TSPAN9: variants seen among roughly 807,000 people sequenced by gnomAD.
TSPAN9 encodes the protein tetraspanin-9.
A neutral mutation model predicts 31.0 loss-of-function variants in TSPAN9; 16 were observed. The observed-to-expected ratio is 0.52, with a 90% CI of 0.35 to 0.78. The LOEUF (loss-of-function observed/expected upper bound fraction) is 0.78. Ranked by LOEUF, TSPAN9 falls within the 30% of genes least tolerant of loss-of-function variation. TSPAN9 has a pLI of 0.01. For missense variants in TSPAN9, 272 were observed against 312.5 expected, an observed-to-expected ratio of 0.87 and a Z score of 0.98; for synonymous variants, 145 against 121.6, an observed-to-expected ratio of 1.19 and a Z score of -1.27.
intron 2 of TSPAN9, among the ~76,000 whole-genome samples, chr12:3,101,477 ACTC>A (rs2098311821): frequency 6.6e-6 from 1 of 151,834 alleles, no homozygotes; most frequent in Admixed American, 6.6e-5. Flanking sequence ...TTTGGATCTT[ACTC>A]CTCCTCTGAG....
chr12:3,260,946 C>T (rs912989324), intron 3 of TSPAN9, among the ~76,000 whole-genome samples: 5 of 152,274 alleles, frequency 3.3e-5, no homozygotes, highest in East Asian at 1.9e-4. Context: ...CTTGAAGGAA[C>T]GCCATGATCA....
rs957001415 is a variant in TSPAN9 at position 3,187,037 on chromosome 12, C to T, written c.-17-14140C>T. Among the ~76,000 whole-genome samples, 2 of 152,214 alleles carry T rather than the reference C, an allele frequency of 1.3e-5. No homozygotes were observed. The highest frequency in any genetic ancestry group is 4.8e-5 in the African/African-American group (2 of 41,442). On this transcript the variant is annotated intron_variant, in intron 2 of 8. Coordinates refer to ENST00000011898, the MANE Select transcript of TSPAN9 (RefSeq NM_006675.5). This position sits in a 1 kb window ranked among gnomAD's most constrained non-coding sequence, Gnocchi z 5.2. Reference sequence around the variant, plus strand: ...ACTTACACCATGGCATTGGCAAGCGCTCTGAATCGGGGCTTTTCCCCTGTA... The same window carrying T: ...ACTTACACCATGGCATTGGCAAGCGTTCTGAATCGGGGCTTTTCCCCTGTA...
intron 2 of TSPAN9, among the ~76,000 whole-genome samples, chr12:3,193,516 C>T (rs529434689): frequency 6.6e-6 from 1 of 152,340 alleles, no homozygotes; most frequent in South Asian, 2.1e-4. Context: ...GTAGACTGTA[C>T]ACACAGCCAA....
At chr12:3,225,003 T>C (rs2098386436) in intron 3 of TSPAN9, among the ~76,000 whole-genome samples, 2 of 152,230 alleles carry the variant, frequency 1.3e-5, no homozygotes, top group South Asian at 4.1e-4. Flanking sequence ...CTCCACTGTG[T>C]GTGCAGCTGG....
At position 3,107,080 on chromosome 12, in the gene TSPAN9, CA is replaced by C. The variant is rs1376607427; in HGVS notation, c.-18+23362del. ...CAGGCCCCTGACTTTGTTTCTATTTCAGAAACCTTGCCGCCACCACCACCAC... is the reference window on the plus strand; with the variant it reads ...CAGGCCCCTGACTTTGTTTCTATTTCGAAACCTTGCCGCCACCACCACCAC... On this transcript the variant is annotated intron_variant, in intron 2 of 8. Coordinates refer to ENST00000011898, the MANE Select transcript of TSPAN9 (RefSeq NM_006675.5). This position sits in a 1 kb window ranked among gnomAD's most constrained non-coding sequence, Gnocchi z 4.1. 6.6e-6 allele frequency among the ~76,000 whole-genome samples: 1 copy of C among 152,154 alleles called. No individual in the cohort carries two copies. Among genetic ancestry groups the C allele is most frequent in the Non-Finnish European group, 1.5e-5 (1 of 68,032 alleles).
chr12:3,166,195 T>C (rs547275082), intron 2 of TSPAN9, among the ~76,000 whole-genome samples: 10 of 152,358 alleles, frequency 6.6e-5, no homozygotes, highest in Admixed American at 5.9e-4. Flanking sequence ...TATTAAGTAA[T>C]GTAAGCCTAA....
At chr12:3,105,822 GCA>G (rs1258672097) in intron 2 of TSPAN9, among the ~76,000 whole-genome samples, 15 of 122,014 alleles carry the variant, frequency 1.2e-4, no homozygotes, top group East Asian at 1.1e-3. Context: ...ACGCACACGC[GCA>G]CACACACTTT....
chr12:3,257,255 G>A (rs966601612), intron 3 of TSPAN9, among the ~76,000 whole-genome samples: 1 of 151,958 alleles, frequency 6.6e-6, no homozygotes, highest in Non-Finnish European at 1.5e-5. Flanking sequence ...TAGGGGTCTC[G>A]GAGGAAGCAT....
At chr12:3,096,417 C>G (rs1216720709) in intron 2 of TSPAN9, among the ~76,000 whole-genome samples, 1 of 152,188 alleles carries the variant, frequency 6.6e-6, no homozygotes, top group African/African-American at 2.4e-5. Flanking sequence ...TCCTAAGTAT[C>G]TCTTGTGCAT....
At chr12:3,264,843 G>A (rs1355127668) in intron 3 of TSPAN9, among the ~76,000 whole-genome samples, 2 of 152,200 alleles carry the variant, frequency 1.3e-5, no homozygotes, top group Admixed American at 6.5e-5. Flanking sequence ...TAAAACATGA[G>A]CACCAGAGAA....
chr12:3,095,634 C>CG (rs965739006), intron 2 of TSPAN9, among the ~76,000 whole-genome samples: 2 of 125,002 alleles, frequency 1.6e-5, no homozygotes, highest in African/African-American at 6.0e-5. Flanking sequence ...GAGGGCTGAC[C>CG]CCCCCCACCT....
intron 3 of TSPAN9, among the ~76,000 whole-genome samples, chr12:3,222,774 G>T (rs1390672246): frequency 6.6e-6 from 1 of 152,148 alleles, no homozygotes; most frequent in Non-Finnish European, 1.5e-5. Flanking sequence ...GGCTTCTTCA[G>T]GTCCTTGTTC....
rs536196308 is a variant in TSPAN9, at chr12:3,147,606, G to A, written c.-17-53571G>A. ...TGCAACGATGGAAGTGTTCTGTTCT[G>A]TACCGCCCAGTACAGTAGCCACCGG... On this transcript the variant is annotated intron_variant, in intron 2 of 8. Coordinates refer to ENST00000011898, the MANE Select transcript of TSPAN9 (RefSeq NM_006675.5). This position sits in a 1 kb window ranked among gnomAD's most constrained non-coding sequence, Gnocchi z 4.3. Among the ~76,000 whole-genome samples, 4 of 152,300 alleles carry A rather than the reference G, an allele frequency of 2.6e-5. No homozygotes were observed. The East Asian group carries it at 7.7e-4, about 29-fold the overall frequency.
intron 2 of TSPAN9, among the ~76,000 whole-genome samples, chr12:3,088,826 G>T (rs945280455): frequency 1.3e-5 from 2 of 152,118 alleles, no homozygotes; most frequent in Non-Finnish European, 2.9e-5. Flanking sequence ...CTGCAGGAGA[G>T]GGTGAGCTGT....
chr12:3,251,639 T>G (rs1427657872), intron 3 of TSPAN9, among the ~76,000 whole-genome samples: 1 of 152,252 alleles, frequency 6.6e-6, no homozygotes, highest in Non-Finnish European at 1.5e-5. Context: ...GAAGAGGTTC[T>G]TTTGTTGCAA....
chr12:3,128,039 G>A (rs1024006792), intron 2 of TSPAN9, among the ~76,000 whole-genome samples: 6 of 152,174 alleles, frequency 3.9e-5, no homozygotes, highest in Non-Finnish European at 7.3e-5. Flanking sequence ...GTCACTGGGC[G>A]GTAGGAATTT....
intron 2 of TSPAN9, among the ~76,000 whole-genome samples, chr12:3,087,460 G>A (rs901194662): frequency 1.3e-5 from 2 of 152,160 alleles, no homozygotes; most frequent in South Asian, 4.1e-4. Flanking sequence ...GCTGTAGTGA[G>A]CCATGATCGT....
At chr12:3,237,447 A>G (rs1168442736) in intron 3 of TSPAN9, among the ~76,000 whole-genome samples, 1 of 152,208 alleles carries the variant, frequency 6.6e-6, no homozygotes, top group Non-Finnish European at 1.5e-5. Context: ...GCCACAGAAC[A>G]GAGTGTCCCT....
At chr12:3,265,647 C>T (rs1229999792) in intron 3 of TSPAN9, among the ~76,000 whole-genome samples, 9 of 152,208 alleles carry the variant, frequency 5.9e-5, no homozygotes, top group Non-Finnish European at 4.4e-5. Flanking sequence ...CCGTGCGCCC[C>T]CTCCTTTCCC....
Sources: gnomAD v4.1 joint callset for allele counts (sites outside exome capture counted in the v4.1 genomes callset) on GRCh38, gnomAD v4.1.1 for gene constraint, Gnocchi (gnomAD v3.1) non-coding constraint, MANE v1.5 for transcripts, NCBI Gene and HGNC (gene_info 2026-07-23, HGNC 2026-07-21) for gene names.